The following RFX7 variants were observed in gnomAD, a reference collection of about 807,000 sequenced individuals.
RFX7 encodes regulatory factor X7, also known as DNA-binding protein RFX7.
In RFX7, 26 loss-of-function variants were observed where a neutral mutation model predicts 111.8. The ratio of observed to expected loss-of-function variants is 0.23; its 90% CI spans 0.17 to 0.32. The LOEUF is 0.32. Ranked by LOEUF, RFX7 falls within the 10% of genes least tolerant of loss-of-function variation. RFX7 has a pLI of 1.00. For synonymous variants in RFX7, 624 were observed against 624.4 expected (o/e 1.00, Z 0.01); for missense variants, 1,573 against 1,772.9 (o/e 0.89, Z 2.02).
chr15:56,230,494 C>G (rs112085596), intron 2 of RFX7, among the ~76,000 whole-genome samples: 1 of 151,922 alleles, frequency 6.6e-6, no homozygotes. Context: ...GAGAAAATTA[C>G]CACATTATGT....
chr15:56,201,398 T>C (rs1274309072), intron 2 of RFX7, among the ~76,000 whole-genome samples: 3 of 152,102 alleles, frequency 2.0e-5, no homozygotes, highest in Non-Finnish European at 4.4e-5. Flanking sequence ...AAGGCAGTAA[T>C]AGAACCAAAG....
chr15:56,241,279 TA>T (rs1347722081), intron 2 of RFX7, among the ~76,000 whole-genome samples: 22 of 151,486 alleles, frequency 1.5e-4, no homozygotes, highest in African/African-American at 3.4e-4. Flanking sequence ...TGTGCCAATA[TA>T]AAAAAAAATT....
At chr15:56,229,332 C>T (rs552103529) in intron 2 of RFX7, among the ~76,000 whole-genome samples, 8 of 152,250 alleles carry the variant, frequency 5.3e-5, no homozygotes, top group African/African-American at 1.9e-4. Context: ...GTGGCAGGAT[C>T]TCGGCTCACT....
chr15:56,219,864 T>C (rs1170627522), intron 2 of RFX7, among the ~76,000 whole-genome samples: 9 of 152,202 alleles, frequency 5.9e-5, no homozygotes, highest in Non-Finnish European at 1.3e-4. Flanking sequence ...ATGATTTCTA[T>C]TTCTTTGGGT....
chr15:56,203,179 T>G lies in RFX7; in HGVS notation c.162-23876A>C, dbSNP rs998625867. ...AGTAAGTTGTCAAGTATAAAAGGTA[T>G]CTGAAAACGTGAGAAGCCAACCATA... On this transcript the variant is annotated intron_variant, in intron 2 of 9. Transcript: ENST00000559447. Among the ~76,000 whole-genome samples, 29 of 152,156 alleles carry G rather than the reference T, an allele frequency of 1.9e-4. 1 individual carries two copies. The highest frequency in any genetic ancestry group is 6.5e-4 in the African/African-American group (27 of 41,424).
rs1435228743 is a variant in RFX7, at chr15:56,236,959, A to AAT, written c.161+6165_161+6166insAT. On this transcript the variant is annotated intron_variant, in intron 2 of 9. Coordinates refer to ENST00000559447, the MANE Select transcript of RFX7 (RefSeq NM_022841.7). ...TGCACAGTTAATCTCACATAACAGA[A>AAT]CCCTTGCACAAGGTAGCAATAAGCA... Among the ~76,000 whole-genome samples the AAT allele has an allele frequency of 7.9e-5, 12 of 152,292 alleles. No homozygotes were observed. The East Asian group carries it at 9.6e-4, about 12-fold the overall frequency.
chr15:56,196,933 C>T (rs2043151038), intron 2 of RFX7, among the ~76,000 whole-genome samples: 1 of 152,124 alleles, frequency 6.6e-6, no homozygotes, highest in Non-Finnish European at 1.5e-5. Flanking sequence ...TTCGCACACA[C>T]ACTACAGTAT....
chr15:56,150,523 C>T (rs1377843086), intron 3 of RFX7, among the ~76,000 whole-genome samples: 9 of 152,068 alleles, frequency 5.9e-5, no homozygotes, highest in East Asian at 1.9e-4. Flanking sequence ...CAAACAGGGT[C>T]GGGAGTTAAC....
At chr15:56,180,750 C>CAAAAA (rs869160446) in intron 2 of RFX7, among the ~76,000 whole-genome samples, 4 of 65,574 alleles carry the variant, frequency 6.1e-5, no homozygotes, top group Admixed American at 1.6e-4. Flanking sequence ...TACTAAAATA[C>CAAAAA]AAAAAAAAAA....
intron 3 of RFX7, among the ~76,000 whole-genome samples, chr15:56,167,376 CG>C (rs1567034691): frequency 6.6e-6 from 1 of 152,104 alleles, no homozygotes; most frequent in Non-Finnish European, 1.5e-5. Flanking sequence ...GATAGACCAA[CG>C]TAACTGAAGT....
intron 3 of RFX7, among the ~76,000 whole-genome samples, chr15:56,171,842 G>C (rs2042848293): frequency 6.6e-6 from 1 of 152,192 alleles, no homozygotes; most frequent in Non-Finnish European, 1.5e-5. Context: ...AGCTGATAAA[G>C]AGTTGGATTA....
intron 5 of RFX7, among the ~76,000 whole-genome samples, chr15:56,132,890 G>A (rs1299500116): frequency 6.6e-6 from 1 of 152,102 alleles, no homozygotes; most frequent in African/African-American, 2.4e-5. Context: ...TACAGCCAAG[G>A]ATGTTCACTG....
intron 2 of RFX7, among the ~76,000 whole-genome samples, chr15:56,203,174 A>C (rs1360847597): frequency 1.3e-5 from 2 of 152,232 alleles, no homozygotes; most frequent in African/African-American, 4.8e-5. Context: ...CAAGTATAAA[A>C]GGTATCTGAA....
intron 3 of RFX7, among the ~76,000 whole-genome samples, chr15:56,171,254 A>G (rs2042842123): frequency 6.6e-6 from 1 of 152,122 alleles, no homozygotes; most frequent in Non-Finnish European, 1.5e-5. Flanking sequence ...ACCATTCACT[A>G]AGATAGTATG....
rs1449603181 is a variant in RFX7, at chr15:56,243,516, G to T, written c.-74C>A. On this transcript the variant is annotated 5_prime_UTR_variant, in exon 1 of 10. Transcript: ENST00000559447. ...ACCGGGGAGACCAGCGGCTCCTCAC[G>T]GCCGGGGCGCTTCACCGCGGGAGAG... 1.0e-6 allele frequency: 1 copy of T among 984,698 alleles called. No homozygotes were observed. The highest frequency in any genetic ancestry group is 1.2e-6 in the Non-Finnish European group (1 of 829,646). The allele number at this position is 984,698 out of a possible 1,614,324, so 61.0% of individuals were successfully genotyped here. A position where few individuals can be genotyped will look rare whatever the true frequency, so the allele number is the denominator to read the frequency against.
intron 3 of RFX7, among the ~76,000 whole-genome samples, chr15:56,151,059 A>G (rs1318930063): frequency 2.0e-5 from 3 of 152,212 alleles, no homozygotes; most frequent in Non-Finnish European, 4.4e-5. Flanking sequence ...ATATGGGACT[A>G]CGTGAAAAGA....
chr15:56,137,344 G>A (rs1322782121), intron 5 of RFX7, among the ~76,000 whole-genome samples: 1 of 152,174 alleles, frequency 6.6e-6, no homozygotes, highest in Non-Finnish European at 1.5e-5. Flanking sequence ...TTAGTCTTGG[G>A]AGAGTGTATG....
rs1438877765 is a variant in RFX7 at position 56,243,809 on chromosome 15, G to A, written c.-367C>T. ...CACGCCGCCGCCGCCGCCGCCGCTC[G>A]CTCCCGGCCCCGCCGCCGCCGCGGC... is the stretch of plus-strand genomic sequence containing the variant. On this transcript the variant is annotated 5_prime_UTR_variant, in exon 1 of 10. Coordinates refer to ENST00000559447, the MANE Select transcript of RFX7 (RefSeq NM_022841.7). Among the ~76,000 whole-genome samples, 2 of 146,622 alleles carry A rather than the reference G, an allele frequency of 1.4e-5. No individual in the cohort carries two copies. Among genetic ancestry groups the A allele is most frequent in the East Asian group, 3.9e-4 (2 of 5,100 alleles).
chr15:56,216,147 A>G (rs558313782), intron 2 of RFX7, among the ~76,000 whole-genome samples: 5 of 152,322 alleles, frequency 3.3e-5, no homozygotes, highest in Non-Finnish European at 5.9e-5. Flanking sequence ...CCAAAATATC[A>G]AGAGATTGTA....
Sources: gnomAD v4.1 joint callset for allele counts (sites outside exome capture counted in the v4.1 genomes callset) on GRCh38, gnomAD v4.1.1 for gene constraint, MANE v1.5 for transcripts, NCBI Gene and HGNC (gene_info 2026-07-23, HGNC 2026-07-21) for gene names.